Variants in PLAT observed in about 807,000 individuals in gnomAD.
PLAT encodes tissue-type plasminogen activator.
A neutral mutation model predicts 74.9 loss-of-function variants in PLAT; 48 were observed. The ratio of observed to expected loss-of-function variants is 0.64; its 90% CI spans 0.51 to 0.82. The LOEUF (loss-of-function observed/expected upper bound fraction) is 0.82. PLAT is among the 40% of genes least tolerant of loss of function. The pLI, the probability that PLAT is intolerant of heterozygous loss-of-function variation, is 0.00. For missense variants in PLAT, 673 were observed against 736.2 expected, an observed-to-expected ratio of 0.91 and a Z score of 0.99; for synonymous variants, 307 against 294.4, an observed-to-expected ratio of 1.04 and a Z score of -0.44.
chr8:42,178,811 A>G, intron 13 of PLAT, 86 bp downstream of exon 13: 1 of 1,307,388 alleles, frequency 7.6e-7, no homozygotes, highest in Admixed American at 2.0e-5. Context: ...CTCTGGTGAT[A>G]ACTTTTTTCT....
intron 3 of PLAT, among the ~76,000 whole-genome samples, 187 bp from the exon 4 acceptor site, chr8:42,189,258 TG>T (rs1369944460): frequency 2.0e-5 from 3 of 152,102 alleles, no homozygotes; most frequent in Non-Finnish European, 4.4e-5. Context: ...TGACTGATGC[TG>T]GTAATCCCAG....
chr8:42,176,116 A>G lies in PLAT; in HGVS notation c.1566T>C (p.Asp522=), dbSNP rs546583353. The G allele has an allele frequency of 1.6e-4, 260 of 1,614,032 alleles. 1 individual carries two copies. The East Asian group carries it at 3.5e-3, about 22-fold the overall frequency. ...DSGGPLVCLN[D]GRMTLVGIIS... The stretch of plus-strand genomic sequence containing the variant: ...TGATGCCCACCAAAGTCATGCGGCC[A>G]TCGTTCAGACACACCAGGGGGCCTC... Residue 522 remains aspartate (D), a synonymous_variant, in exon 14 of 14, where the codon GAT becomes GAC. Coordinates refer to ENST00000220809, the MANE Select transcript of PLAT (RefSeq NM_000930.5).
chr8:42,201,645 A>G (rs1806137032), intron 1 of PLAT, among the ~76,000 whole-genome samples: 1 of 152,200 alleles, frequency 6.6e-6, no homozygotes, highest in Non-Finnish European at 1.5e-5. Flanking sequence ...TATTTCCTGA[A>G]TACAGGGTGA....
At chr8:42,188,885 A>G (rs755236651) in intron 4 of PLAT, 49 bp downstream of exon 4, 3 of 1,560,030 alleles carry the variant, frequency 1.9e-6, no homozygotes, top group Non-Finnish European at 2.6e-6. Flanking sequence ...TTGGCCTCCT[A>G]AAGTGCTGGG....
intron 1 of PLAT, chr8:42,193,746 C>CGCTCTGTCGCCCAGGCTGGAGT (rs1805776704): frequency 6.5e-6 from 1 of 153,070 alleles, no homozygotes; most frequent in Admixed American, 6.5e-5. Context: ...GATGGAGTCT[C>CGCTCTGTCGCCCAGGCTGGAGT]GCTCTGTCGC....
At chr8:42,187,828 C>G in intron 5 of PLAT, 78 bp downstream of exon 5, 2 of 1,070,634 alleles carry the variant, frequency 1.9e-6, no homozygotes, top group Non-Finnish European at 2.9e-6. Flanking sequence ...TGCCATCGCA[C>G]CCTGCCTTTC....
intron 1 of PLAT, among the ~76,000 whole-genome samples, chr8:42,198,239 C>T (rs1805993685): frequency 1.3e-5 from 2 of 152,112 alleles, no homozygotes; most frequent in Non-Finnish European, 2.9e-5. Flanking sequence ...CCTGTAATCC[C>T]AGCACTTTGG....
chr8:42,199,192 T>C (rs1806034273), intron 1 of PLAT, among the ~76,000 whole-genome samples: 1 of 152,190 alleles, frequency 6.6e-6, no homozygotes, highest in Non-Finnish European at 1.5e-5. Context: ...GAAAAGGTGA[T>C]TTTCTATAGG....
intron 13 of PLAT, among the ~76,000 whole-genome samples, chr8:42,178,358 C>T (rs1012281182): frequency 2.6e-5 from 4 of 151,462 alleles, no homozygotes; most frequent in African/African-American, 7.3e-5. Flanking sequence ...GCAACCTCTG[C>T]CTCCCGGGTT....
At chr8:42,184,628 G>A (rs1448410606) in intron 7 of PLAT, 1 of 152,052 alleles carries the variant, frequency 6.6e-6, no homozygotes, top group African/African-American at 2.4e-5. Flanking sequence ...CCAGAGTGCT[G>A]GGTTTATAGG....
At position 42,180,156 on chromosome 8, in the gene PLAT, A is replaced by C. The variant is rs1023570053; in HGVS notation, c.1222+86T>G. ...CAGGAGGGGCAGGGGCTGGAGGAGG[A>C]GGCCCGTGTGTGTAAACATAGGTGA... is the stretch of plus-strand genomic sequence containing the variant. On this transcript the variant is annotated intron_variant, in intron 11 of 13. Transcript: ENST00000220809. The C allele has an allele frequency of 9.4e-6, 15 of 1,588,204 alleles. 1 individual carries two copies. Among genetic ancestry groups the C allele is most frequent in the African/African-American group, 4.0e-5 (3 of 74,652 alleles).
chr8:42,187,851 G>A (rs1278348102), intron 5 of PLAT, 55 bp downstream of exon 5: 3 of 1,210,806 alleles, frequency 2.5e-6, no homozygotes, highest in South Asian at 2.5e-5. Context: ...TCCGGGGGCG[G>A]GGGAGACTGG....
chr8:42,202,356 G>C (rs1377735649), intron 1 of PLAT, among the ~76,000 whole-genome samples: 1 of 151,982 alleles, frequency 6.6e-6, no homozygotes, highest in Non-Finnish European at 1.5e-5. Flanking sequence ...TCCATACTGG[G>C]TTATCGGGTT....
At chr8:42,206,826 AAGG>A (rs1325482385) in intron 1 of PLAT, 1 of 152,248 alleles carries the variant, frequency 6.6e-6, no homozygotes, top group East Asian at 1.9e-4. Context: ...AATGTCCTTT[AAGG>A]AGGACTGCAC....
At chr8:42,192,995 G>C in intron 2 of PLAT, 119 bp downstream of exon 2, 1 of 704,756 alleles carries the variant, frequency 1.4e-6, no homozygotes, top group Non-Finnish European at 2.5e-6. Flanking sequence ...CCTCGTCCCT[G>C]TGCCTCTCTG....
At chr8:42,176,807 GTAAA>G (rs1804990705) in intron 13 of PLAT, among the ~76,000 whole-genome samples, 1 of 152,058 alleles carries the variant, frequency 6.6e-6, no homozygotes, top group Non-Finnish European at 1.5e-5. Context: ...CAAAAATTGG[GTAAA>G]TAAATACCAT....
intron 1 of PLAT, among the ~76,000 whole-genome samples, chr8:42,205,395 C>T (rs994230420): frequency 1.2e-4 from 18 of 152,158 alleles, no homozygotes; most frequent in Admixed American, 1.1e-3. Flanking sequence ...GGTGTGGTGG[C>T]AGGCGCCTGT....
At position 42,180,693 on chromosome 8, in the gene PLAT, G is replaced by A; in HGVS notation, c.890-8C>T. ...GTCTCAGGCCGCAGGTGGCTGGGGA[G>A]GAAAGGACGAGGAGGCAGTCAGTCC... On this transcript the variant is annotated splice_polypyrimidine_tract_variant and splice_region_variant and intron_variant, in intron 9 of 13. Transcript: ENST00000220809. The A allele has an allele frequency of 6.4e-7, 1 of 1,553,572 alleles. No individual in the cohort carries two copies. Among genetic ancestry groups the A allele is most frequent in the Non-Finnish European group, 8.7e-7 (1 of 1,148,954 alleles).
At position 42,178,922 on chromosome 8, in the gene PLAT, TGGGGCCCGCCGCTCCGA is replaced by T. The variant is rs1178530617; in HGVS notation, c.1488_1504del (p.Arg497GlyfsTer56). Reference sequence around the variant, plus strand: ...CTGGCAGGCGTCGTGCAAGTTTGCCTGGGGCCCGCCGCTCCGAGTGTCTCCAGCACACAGCATGTTGT... The same window carrying T: ...CTGGCAGGCGTCGTGCAAGTTTGCCTGTGTCTCCAGCACACAGCATGTTGT... On this transcript the variant is annotated frameshift_variant, in exon 13 of 14. Coordinates refer to ENST00000220809, the MANE Select transcript of PLAT (RefSeq NM_000930.5). LOFTEE classifies it high-confidence loss of function. 6.2e-7 allele frequency: 1 copy of T among 1,613,630 alleles called. No individual in the cohort carries two copies. Among genetic ancestry groups the T allele is most frequent in the South Asian group, 1.1e-5 (1 of 91,048 alleles).
Sources: allele counts gnomAD v4.1 joint callset (sites outside exome capture counted in the v4.1 genomes callset), GRCh38; gene constraint gnomAD v4.1.1; transcripts MANE v1.5; gene names NCBI Gene and HGNC (gene_info 2026-07-23, HGNC 2026-07-21).